MAML3: variants seen among roughly 807,000 people sequenced by gnomAD.
The protein encoded by MAML3 is mastermind like transcriptional coactivator 3.
A neutral mutation model predicts 101.9 loss-of-function variants in MAML3; 27 were observed. The observed-to-expected ratio is 0.27, with a 90% CI of 0.20 to 0.37. The LOEUF is 0.37. Ranked by LOEUF, MAML3 falls within the 10% of genes least tolerant of loss-of-function variation. The pLI, the probability that MAML3 is intolerant of heterozygous loss-of-function variation, is 1.00. For missense variants in MAML3, 1,316 were observed against 1,444.9 expected (o/e 0.91, Z 1.45); for synonymous variants, 501 against 555.9 (o/e 0.90, Z 1.39).
chr4:139,798,156 G>C (rs1560797610), intron 2 of MAML3, among the ~76,000 whole-genome samples: 1 of 152,146 alleles, frequency 6.6e-6, no homozygotes. Context: ...GTATACGGGA[G>C]TTCACAGAAG....
At chr4:139,914,648 A>G (rs538100002) in intron 1 of MAML3, among the ~76,000 whole-genome samples, 5 of 152,336 alleles carry the variant, frequency 3.3e-5, no homozygotes, top group African/African-American at 7.2e-5. Flanking sequence ...ACCAAACCCG[A>G]CCACAACAAA....
Position 139,990,586 on chromosome 4 carries a change from A to G in MAML3, c.469-99619T>C, listed in dbSNP as rs977188460. ...CAGGAGAAGGAAATAAAAGGTATTCAATTAGGAAAAGAGGAAGTCAAATTG... is the reference window on the plus strand; with the variant it reads ...CAGGAGAAGGAAATAAAAGGTATTCGATTAGGAAAAGAGGAAGTCAAATTG... On this transcript the variant is annotated intron_variant, in intron 1 of 4. Transcript: ENST00000509479. Among the ~76,000 whole-genome samples, 7 of 151,250 alleles carry G rather than the reference A, an allele frequency of 4.6e-5. No homozygotes were observed. In the Admixed American group the frequency reaches 4.6e-4, roughly 10 times the overall value.
At chr4:140,115,412 A>C (rs1401256641) in intron 1 of MAML3, among the ~76,000 whole-genome samples, 1 of 152,250 alleles carries the variant, frequency 6.6e-6, no homozygotes, top group African/African-American at 2.4e-5. Flanking sequence ...TAAACAAATG[A>C]AATATGCAAA....
intron 1 of MAML3, among the ~76,000 whole-genome samples, chr4:139,940,381 T>C (rs1044666700): frequency 1.3e-5 from 2 of 152,200 alleles, no homozygotes; most frequent in Non-Finnish European, 2.9e-5. Context: ...CACCTAAAGA[T>C]TGATTGGAAT....
In MAML3 at chr4:140,011,342, G is replaced by GT. The variant is rs1251237879; in HGVS notation, c.469-120376dup. Among the ~76,000 whole-genome samples, 141 of 93,056 alleles carry GT rather than the reference G, an allele frequency of 1.5e-3. 1 individual carries two copies. The highest frequency in any genetic ancestry group is 3.1e-3 in the South Asian group (9 of 2,944). 61.0% of individuals were successfully genotyped at this position (93,056 alleles called of 152,430 possible). ...GTTTTACTCAAGGTTTTCTTGTTTT[G>GT]TTTTTTTTTTTTTGAGACGGAGTCT... On this transcript the variant is annotated intron_variant, in intron 1 of 4. Transcript: ENST00000509479.
intron 2 of MAML3, among the ~76,000 whole-genome samples, chr4:139,859,326 A>C (rs1458979092): frequency 1.3e-5 from 2 of 151,724 alleles, no homozygotes; most frequent in Non-Finnish European, 2.9e-5. Context: ...TCCTGGGCTA[A>C]AGCAATCCTC....
chr4:140,037,021 C>A (rs1233930011), intron 1 of MAML3, among the ~76,000 whole-genome samples: 1 of 152,086 alleles, frequency 6.6e-6, no homozygotes, highest in African/African-American at 2.4e-5. Flanking sequence ...TTCCAAGGAT[C>A]CCAGCTGACA....
intron 1 of MAML3, among the ~76,000 whole-genome samples, chr4:140,105,535 C>A (rs1266941971): frequency 6.6e-6 from 1 of 152,180 alleles, no homozygotes; most frequent in East Asian, 1.9e-4. Context: ...AAGGGTCAGC[C>A]CATCCTCTGT....
chr4:140,048,766 T>A (rs566144946), intron 1 of MAML3, among the ~76,000 whole-genome samples: 2 of 152,226 alleles, frequency 1.3e-5, no homozygotes, highest in Admixed American at 1.3e-4. Context: ...ACGAGTTTTT[T>A]AAAATCCCCT....
At chr4:140,048,392 G>T (rs538182412) in intron 1 of MAML3, among the ~76,000 whole-genome samples, 2 of 152,340 alleles carry the variant, frequency 1.3e-5, no homozygotes, top group African/African-American at 4.8e-5. Flanking sequence ...AAGGTCAGGA[G>T]AAATTTATTG....
intron 2 of MAML3, among the ~76,000 whole-genome samples, chr4:139,755,444 T>G (rs569512995): frequency 6.6e-6 from 1 of 152,078 alleles, no homozygotes; most frequent in Non-Finnish European, 1.5e-5. Context: ...CCGTCTCTAC[T>G]AAATGTACAA....
At chr4:139,867,939 G>C (rs185997677) in intron 2 of MAML3, among the ~76,000 whole-genome samples, 3 of 152,290 alleles carry the variant, frequency 2.0e-5, no homozygotes, top group East Asian at 3.9e-4. Context: ...CTGGGTCTTT[G>C]CTTCAGCATA....
At chr4:140,150,108 G>A (rs962481275) in intron 1 of MAML3, among the ~76,000 whole-genome samples, 2 of 151,934 alleles carry the variant, frequency 1.3e-5, no homozygotes, top group Non-Finnish European at 2.9e-5. Flanking sequence ...ATTTATTAGT[G>A]CGTAAGTCTA....
intron 1 of MAML3, among the ~76,000 whole-genome samples, chr4:139,898,370 C>A (rs545383909): frequency 6.6e-6 from 1 of 152,196 alleles, no homozygotes; most frequent in South Asian, 2.1e-4. Flanking sequence ...AGAGAACATA[C>A]GAAGTGATTT....
At chr4:139,774,675 C>T (rs1730059401) in intron 2 of MAML3, among the ~76,000 whole-genome samples, 1 of 152,048 alleles carries the variant, frequency 6.6e-6, no homozygotes, top group Non-Finnish European at 1.5e-5. Context: ...GGGAGGATGG[C>T]AGAAGGAAAA....
rs1578649147 is a variant in MAML3, at chr4:139,889,744, T to A, written c.1692A>T (p.Thr564=). Residue 564 remains threonine (T), a synonymous_variant, in exon 2 of 5, where the codon ACA becomes ACT. Transcript: ENST00000509479. Reference sequence around the variant, plus strand: ...TCTGAGGGAGGTAGTTATTCATTGTTGTCTTCTGCAGGTTGTTTGCCATTG... The same window carrying A: ...TCTGAGGGAGGTAGTTATTCATTGTAGTCTTCTGCAGGTTGTTTGCCATTG... ...VPPMANNLQK[T]TMNNYLPQNH... The A allele has an allele frequency of 6.2e-7, 1 of 1,613,932 alleles. No homozygotes were observed. The highest frequency in any genetic ancestry group is 1.3e-5 in the African/African-American group (1 of 74,936).
chr4:139,787,717 T>A (rs1730330965), intron 2 of MAML3, among the ~76,000 whole-genome samples: 1 of 152,228 alleles, frequency 6.6e-6, no homozygotes, highest in South Asian at 2.1e-4. Flanking sequence ...CAACCATGAC[T>A]CTTAAATTAT....
At chr4:139,938,829 G>A (rs1054198448) in intron 1 of MAML3, among the ~76,000 whole-genome samples, 1 of 152,174 alleles carries the variant, frequency 6.6e-6, no homozygotes, top group Non-Finnish European at 1.5e-5. Flanking sequence ...CGAACAGTAC[G>A]CATAGTGCCT....
chr4:139,924,393 A>G (rs1196808630), intron 1 of MAML3, among the ~76,000 whole-genome samples: 1 of 152,224 alleles, frequency 6.6e-6, no homozygotes, highest in Non-Finnish European at 1.5e-5. Flanking sequence ...CAAATATATA[A>G]AGAACTATCT....
Sources: allele counts gnomAD v4.1 joint callset (sites outside exome capture counted in the v4.1 genomes callset), GRCh38; gene constraint gnomAD v4.1.1; transcripts MANE v1.5; gene names NCBI Gene and HGNC (gene_info 2026-07-23, HGNC 2026-07-21).